The following RIC1 variants were observed in gnomAD, a reference collection of about 807,000 sequenced individuals.
The protein encoded by RIC1 is guanine nucleotide exchange factor subunit RIC1.
Under a neutral mutation model 169.0 loss-of-function variants are expected in RIC1, and 88 were observed. The observed-to-expected ratio is 0.52, with a 90% CI of 0.44 to 0.62. The LOEUF (loss-of-function observed/expected upper bound fraction) is 0.62. Among genes scored for constraint, RIC1 ranks in the 20% least tolerant of loss-of-function variants. RIC1 has a pLI of 0.00. For synonymous variants in RIC1, 790 were observed against 601.5 expected, an observed-to-expected ratio of 1.31 and a Z score of -4.59; for missense variants, 1,877 against 1,725.5, an observed-to-expected ratio of 1.09 and a Z score of -1.56.
In RIC1 at chr9:5,773,855, C is replaced by T. The variant is rs1249949723; in HGVS notation, c.3984-103C>T. The stretch of plus-strand genomic sequence containing the variant: ...CCTCCTCTCTCCCCTCCTAATCTAT[C>T]GTCGTCTTTACCATATCAATGTTCA... On this transcript the variant is annotated intron_variant, in intron 25 of 25. Coordinates refer to ENST00000414202, the MANE Select transcript of RIC1 (RefSeq NM_020829.4). The T allele has an allele frequency of 8.2e-6, 9 of 1,094,516 alleles. No homozygotes were observed. The Admixed American group carries it at 1.0e-4, about 12-fold the overall frequency. The allele number at this position is 1,094,516 out of a possible 1,614,324, so 67.8% of individuals were successfully genotyped here. A position where few individuals can be genotyped will look rare whatever the true frequency, so the allele number is the denominator to read the frequency against.
intron 4 of RIC1, among the ~76,000 whole-genome samples, chr9:5,716,979 G>C (rs1326601305): frequency 2.0e-5 from 3 of 152,072 alleles, no homozygotes; most frequent in Non-Finnish European, 2.9e-5. Context: ...CTCAGCCTTT[G>C]TTTTAACAAG....
intron 22 of RIC1, chr9:5,769,563 G>A (rs942142707): frequency 1.5e-4 from 137 of 916,482 alleles, no homozygotes; most frequent in Non-Finnish European, 2.0e-4. Flanking sequence ...TTGTGGGAAG[G>A]AGTTCTGGAA....
In RIC1 at chr9:5,645,420, A is replaced by G. The variant is rs113758170; in HGVS notation, c.145-11163A>G. On this transcript the variant is annotated intron_variant, in intron 1 of 25. Transcript: ENST00000414202. ...TGTCTTGATACAAATTATTTAGCAGATATATACTTCGCAAAGTTCTGCAGC... is the reference window on the plus strand; with the variant it reads ...TGTCTTGATACAAATTATTTAGCAGGTATATACTTCGCAAAGTTCTGCAGC... Among the ~76,000 whole-genome samples, 604 of 152,330 alleles carry G rather than the reference A, an allele frequency of 4.0e-3. 2 individuals are homozygous for G. The highest frequency in any genetic ancestry group is 0.014 in the African/African-American group (588 of 41,570).
At chr9:5,664,428 T>G (rs771132091) in intron 2 of RIC1, among the ~76,000 whole-genome samples, 5 of 151,976 alleles carry the variant, frequency 3.3e-5, no homozygotes, top group Non-Finnish European at 5.9e-5. Flanking sequence ...AAAAGAATGT[T>G]TAATATTGGC....
chr9:5,657,099 T>C (rs1266403552), intron 2 of RIC1, among the ~76,000 whole-genome samples: 1 of 152,198 alleles, frequency 6.6e-6, no homozygotes, highest in Non-Finnish European at 1.5e-5. Flanking sequence ...TTTACTGTTT[T>C]GTCCTTGAAG....
intron 3 of RIC1, among the ~76,000 whole-genome samples, chr9:5,710,724 C>T (rs950151843): frequency 4.6e-5 from 7 of 152,102 alleles, no homozygotes; most frequent in African/African-American, 1.7e-4. Flanking sequence ...TAATTAACAA[C>T]CTTAGACAGA....
Position 5,629,163 on chromosome 9 carries a change from G to A in RIC1, c.-147G>A. ...CGTCGCGCAGCCTTGCGTCGGCCCG[G>A]CCCGGCCAGGCCAGCGGGCAGATGC... On this transcript the variant is annotated 5_prime_UTR_variant, in exon 1 of 26. Transcript: ENST00000414202. 5.4e-6 allele frequency: 4 copies of A among 741,102 alleles called. No individual in the cohort carries two copies. Among genetic ancestry groups the A allele is most frequent in the Non-Finnish European group, 7.4e-6 (4 of 539,190 alleles). 45.9% of individuals were successfully genotyped at this position (741,102 alleles called of 1,614,324 possible).
chr9:5,697,240 A>G (rs2130751541), intron 3 of RIC1, among the ~76,000 whole-genome samples: 1 of 152,290 alleles, frequency 6.6e-6, no homozygotes, highest in African/African-American at 2.4e-5. Flanking sequence ...CAACTTAACA[A>G]GGCTGCCATA....
rs1382954379 is a variant in RIC1 at position 5,770,119 on chromosome 9, G to A, written c.3457G>A (p.Asp1153Asn). The A allele has an allele frequency of 6.2e-7, 1 of 1,613,310 alleles. No individual in the cohort carries two copies. Among genetic ancestry groups the A allele is most frequent in the Non-Finnish European group, 8.5e-7 (1 of 1,179,674 alleles). ...GEQLLKSQSA[D>N]PFLNLEMDAG... The stretch of plus-strand genomic sequence containing the variant: ...GCAGCTGTTAAAGTCTCAATCAGCT[G>A]ACCCATTTTTGAACCTTGAGATGGA... Residue 1153 changes from aspartate (D) to asparagine (N), a missense_variant, in exon 23 of 26, where the codon GAC becomes AAC. By Grantham distance (23) the Asp-to-Asn change is conservative. Transcript: ENST00000414202.
At chr9:5,696,171 A>G (rs895868219) in intron 3 of RIC1, among the ~76,000 whole-genome samples, 1 of 151,862 alleles carries the variant, frequency 6.6e-6, no homozygotes, top group Admixed American at 6.6e-5. Flanking sequence ...CTCCTTGTCT[A>G]TTAAAAAAGC....
intron 2 of RIC1, among the ~76,000 whole-genome samples, chr9:5,667,223 G>A (rs553419945): frequency 6.6e-6 from 1 of 152,276 alleles, no homozygotes; most frequent in African/African-American, 2.4e-5. Context: ...TCAGGAGGGT[G>A]AGTCAGGAGG....
At chr9:5,687,167 A>G (rs1186164576) in intron 2 of RIC1, among the ~76,000 whole-genome samples, 5 of 152,124 alleles carry the variant, frequency 3.3e-5, no homozygotes, top group African/African-American at 9.7e-5. Flanking sequence ...TAATACCTCT[A>G]GAATTTGTAG....
At chr9:5,728,531 A>C (rs1015629890) in intron 6 of RIC1, among the ~76,000 whole-genome samples, 1 of 152,116 alleles carries the variant, frequency 6.6e-6, no homozygotes, top group African/African-American at 2.4e-5. Flanking sequence ...CTCACACTCC[A>C]TGGGCTGCAC....
chr9:5,778,217 T>A (rs1324266068), downstream of RIC1, among the ~76,000 whole-genome samples: 1 of 152,262 alleles, frequency 6.6e-6, no homozygotes, highest in Non-Finnish European at 1.5e-5. Flanking sequence ...TTTCCTGTTT[T>A]TGGATTGTGT....
At chr9:5,658,428 G>C (rs1309779678) in intron 2 of RIC1, among the ~76,000 whole-genome samples, 1 of 152,012 alleles carries the variant, frequency 6.6e-6, no homozygotes, top group Non-Finnish European at 1.5e-5. Flanking sequence ...GTAAAAGTAA[G>C]TTTGCTTAGT....
At chr9:5,655,907 C>G (rs778811737) in intron 1 of RIC1, among the ~76,000 whole-genome samples, 1 of 152,032 alleles carries the variant, frequency 6.6e-6, no homozygotes, top group Admixed American at 6.6e-5. Context: ...CGCTTTGTCA[C>G]CTAGGCTGGA....
In RIC1 at chr9:5,763,056, A is replaced by G; in HGVS notation, c.2113-84A>G. 1 of 1,467,354 alleles carries G rather than the reference A, an allele frequency of 6.8e-7. No individual in the cohort carries two copies. The allele number at this position is 1,467,354 out of a possible 1,614,324, so 90.9% of individuals were successfully genotyped here. A position where few individuals can be genotyped will look rare whatever the true frequency, so the allele number is the denominator to read the frequency against. On this transcript the variant is annotated intron_variant, in intron 18 of 25. Coordinates refer to ENST00000414202, the MANE Select transcript of RIC1 (RefSeq NM_020829.4). This position sits in a 1 kb window ranked among gnomAD's most constrained non-coding sequence, Gnocchi z 5.2. The stretch of plus-strand genomic sequence containing the variant: ...AAAAAATATTATACTATCATTTGAA[A>G]GACTTAGTAAACTAGTACCTAGGAA...
At chr9:5,741,379 C>G (rs566432293) in intron 8 of RIC1, among the ~76,000 whole-genome samples, 1 of 152,280 alleles carries the variant, frequency 6.6e-6, no homozygotes, top group South Asian at 2.1e-4. Flanking sequence ...TGAACTATTT[C>G]TGGAAAATTC....
rs114676305 is a variant in RIC1, at chr9:5,751,199, A to G, written c.1453-2001A>G. On this transcript the variant is annotated intron_variant, in intron 12 of 25. Transcript: ENST00000414202. ...GGAGGTAAGGATTCCTTTTAGTGCA[A>G]TGGATGATTGACACAGTTATACTCA... 8.8e-3 allele frequency among the ~76,000 whole-genome samples: 1,340 copies of G among 151,892 alleles called. 60 individuals are homozygous for G. The highest frequency in any genetic ancestry group is 0.031 in the African/African-American group (1,289 of 41,172).
Sources: gnomAD v4.1 joint callset for allele counts (sites outside exome capture counted in the v4.1 genomes callset) on GRCh38, gnomAD v4.1.1 for gene constraint, Gnocchi (gnomAD v3.1) non-coding constraint, MANE v1.5 for transcripts, NCBI Gene and HGNC (gene_info 2026-07-23, HGNC 2026-07-21) for gene names.